SLC5A12: variants seen among roughly 807,000 people sequenced by gnomAD.
SLC5A12 encodes the protein solute carrier family 5 member 12.
Under a neutral mutation model 72.7 loss-of-function variants are expected in SLC5A12, and 46 were observed. That is an observed-to-expected ratio of 0.63 (90% CI 0.50 to 0.81). SLC5A12 has a LOEUF of 0.81. Among genes scored for constraint, SLC5A12 ranks in the 30% least tolerant of loss-of-function variants. The pLI, the probability that SLC5A12 is intolerant of heterozygous loss-of-function variation, is 0.00. For missense variants in SLC5A12, 683 were observed against 740.7 expected, an observed-to-expected ratio of 0.92 and a Z score of 0.90; for synonymous variants, 275 against 264.4, an observed-to-expected ratio of 1.04 and a Z score of -0.39.
At position 26,721,697 on chromosome 11, in the gene SLC5A12, A is replaced by T; in HGVS notation, c.18T>A (p.Phe6Leu). The change falls in exon 1 of 15, where the codon TTT becomes TTA. Residue 6 changes from phenylalanine to leucine, a missense_variant. Physicochemically the swap from Phe to Leu is conservative, Grantham distance 22. Coordinates refer to ENST00000396005, the MANE Select transcript of SLC5A12 (RefSeq NM_178498.4). ...CAAATACAACATAATCCCAAACTGC[A>T]AAGTTCTTCACCTCCATATTGGAAA... is the stretch of plus-strand genomic sequence containing the variant. MEVKNFAVWDYVVFAA... is the reference protein window; with the variant it reads MEVKNLAVWDYVVFAA... 1 of 1,613,550 alleles carries T rather than the reference A, an allele frequency of 6.2e-7. No individual in the cohort carries two copies. The highest frequency in any genetic ancestry group is 8.5e-7 in the Non-Finnish European group (1 of 1,179,802).
In SLC5A12 at chr11:26,721,831, G is replaced by GA. The variant is rs1353955124; in HGVS notation, c.-118dup. 7 of 868,650 alleles carry GA rather than the reference G, an allele frequency of 8.1e-6. No individual in the cohort carries two copies. In the African/African-American group the frequency reaches 1.2e-4, roughly 15 times the overall value. The allele number at this position is 868,650 out of a possible 1,614,324, so 53.8% of individuals were successfully genotyped here. On this transcript the variant is annotated 5_prime_UTR_variant, in exon 1 of 15. Coordinates refer to ENST00000396005, the MANE Select transcript of SLC5A12 (RefSeq NM_178498.4). ...CTGAGAGGAGAGACTGTGATTCCCT[G>GA]AAGAAAATGATTACCAGAGGCACTC...
intron 1 of SLC5A12, among the ~76,000 whole-genome samples, 199 bp from the exon 2 acceptor site, chr11:26,712,905 G>A (rs773278467): frequency 5.3e-5 from 8 of 152,022 alleles, no homozygotes; most frequent in Non-Finnish European, 1.2e-4. Flanking sequence ...ATTTCTGTTC[G>A]TGTTTCTCAT....
At chr11:26,697,301 G>C in intron 7 of SLC5A12, 49 bp from the exon 8 acceptor site, 2 of 1,515,750 alleles carry the variant, frequency 1.3e-6, no homozygotes. Flanking sequence ...AAGAAAGAAA[G>C]AAAAGAAAAG....
rs1258519568 is a variant in SLC5A12, at chr11:26,712,809, T to A, written c.340-103A>T. On this transcript the variant is annotated intron_variant, in intron 1 of 14. Transcript: ENST00000396005. ...TATCCTCTGTTGTGCTCTGGACTTG[T>A]AATCTGATTTTATGATATGTATCCT... 4.9e-6 allele frequency: 3 copies of A among 611,646 alleles called. No individual in the cohort carries two copies. In the East Asian group the frequency reaches 9.5e-5, roughly 19 times the overall value. The allele number at this position is 611,646 out of a possible 1,614,324, so 37.9% of individuals were successfully genotyped here. A position where few individuals can be genotyped will look rare whatever the true frequency, so the allele number is the denominator to read the frequency against.
Position 26,709,330 on chromosome 11 carries a change from G to A in SLC5A12, c.507C>T (p.Cys169=), listed in dbSNP as rs571026438. Residue 169 remains cysteine (C), a synonymous_variant, in exon 4 of 15, where the codon TGC becomes TGT. Transcript: ENST00000396005. The part of the protein sequence containing the change: ...WGSVFATGIV[C]TFYCTLGGLK... ...TACATACCAGGGTACAGTAGAATGT[G>A]CAAACAATTCCTGTTGCAAACACAG... The A allele has an allele frequency of 6.2e-7, 1 of 1,611,362 alleles. No individual in the cohort carries two copies. Among genetic ancestry groups the A allele is most frequent in the South Asian group, 1.1e-5 (1 of 90,816 alleles).
intron 12 of SLC5A12, 22 bp from the exon 13 acceptor site, chr11:26,678,837 A>T: frequency 6.5e-7 from 1 of 1,541,236 alleles, no homozygotes; most frequent in Non-Finnish European, 8.9e-7. Flanking sequence ...AGCACATGTC[A>T]CCAATTCCAT....
chr11:26,710,133 T>C (rs1279717152), intron 3 of SLC5A12, among the ~76,000 whole-genome samples: 1 of 152,096 alleles, frequency 6.6e-6, no homozygotes, highest in Non-Finnish European at 1.5e-5. Flanking sequence ...TTTTCTTTCC[T>C]TGTGATAGTT....
chr11:26,721,806 C>T lies in SLC5A12; in HGVS notation c.-92G>A. The T allele has an allele frequency of 9.1e-7, 1 of 1,097,662 alleles. No individual in the cohort carries two copies. Among genetic ancestry groups the T allele is most frequent in the South Asian group, 1.5e-5 (1 of 65,670 alleles). The allele number at this position is 1,097,662 out of a possible 1,614,324, so 68.0% of individuals were successfully genotyped here. ...AAAGTTCAGTACAGTGGATGCTTTG[C>T]TGAGAGGAGAGACTGTGATTCCCTG... On this transcript the variant is annotated 5_prime_UTR_variant, in exon 1 of 15. Transcript: ENST00000396005.
At chr11:26,691,253 G>C (rs1460457771) in intron 9 of SLC5A12, among the ~76,000 whole-genome samples, 3 of 151,734 alleles carry the variant, frequency 2.0e-5, no homozygotes, top group Non-Finnish European at 4.4e-5. Flanking sequence ...ACTAACTTGG[G>C]CAATTTAAAA....
intron 13 of SLC5A12, among the ~76,000 whole-genome samples, chr11:26,674,439 G>A (rs1449921686): frequency 2.6e-5 from 4 of 151,606 alleles, no homozygotes; most frequent in Non-Finnish European, 2.9e-5. Flanking sequence ...TCATGCTATT[G>A]CCCAGGCTGG....
At chr11:26,684,054 T>G (rs868123188) in intron 10 of SLC5A12, among the ~76,000 whole-genome samples, 3 of 139,844 alleles carry the variant, frequency 2.1e-5, no homozygotes, top group East Asian at 2.1e-4. Flanking sequence ...GTGTGTGTGT[T>G]TGTATAGTAG....
In SLC5A12 at chr11:26,675,300, T is replaced by C. The variant is rs1202822080; in HGVS notation, c.1580-1771A>G. Among the ~76,000 whole-genome samples the C allele has an allele frequency of 2.6e-5, 4 of 152,198 alleles. No individual in the cohort carries two copies. The East Asian group carries it at 7.7e-4, about 29-fold the overall frequency. On this transcript the variant is annotated intron_variant, in intron 13 of 14. Coordinates refer to ENST00000396005, the MANE Select transcript of SLC5A12 (RefSeq NM_178498.4). ...TGTTTTCTTCTAGAAAAAGACAGTA[T>C]TCCCTTTGGGAGATAGCAGATGGTA...
At chr11:26,717,479 A>G (rs1257397141) in intron 1 of SLC5A12, among the ~76,000 whole-genome samples, 1 of 152,224 alleles carries the variant, frequency 6.6e-6, no homozygotes, top group African/African-American at 2.4e-5. Context: ...GATAATGAAA[A>G]TATATGATAT....
At chr11:26,690,960 G>T (rs1184134718) in intron 9 of SLC5A12, among the ~76,000 whole-genome samples, 1 of 151,774 alleles carries the variant, frequency 6.6e-6, no homozygotes, top group East Asian at 1.9e-4. Flanking sequence ...AATAATAAAT[G>T]ATATATTTGA....
chr11:26,689,354 C>T (rs774725132), intron 9 of SLC5A12, among the ~76,000 whole-genome samples: 4 of 151,956 alleles, frequency 2.6e-5, no homozygotes, highest in Non-Finnish European at 5.9e-5. Context: ...GTCGAGATAT[C>T]GCACCACTGC....
At chr11:26,706,444 G>T (rs1466418987) in intron 4 of SLC5A12, among the ~76,000 whole-genome samples, 1 of 151,934 alleles carries the variant, frequency 6.6e-6, no homozygotes, top group Non-Finnish European at 1.5e-5. Context: ...TTAGAAGGTA[G>T]TTTATTTTAG....
intron 13 of SLC5A12, among the ~76,000 whole-genome samples, chr11:26,677,074 G>C (rs1854283459): frequency 6.6e-6 from 1 of 151,652 alleles, no homozygotes; most frequent in Admixed American, 6.6e-5. Flanking sequence ...CTCTTAGTGA[G>C]CAGACCTGAG....
rs151086896 is a variant in SLC5A12 at position 26,711,952 on chromosome 11, T to C, written c.406-594A>G. On this transcript the variant is annotated intron_variant, in intron 2 of 14. Coordinates refer to ENST00000396005, the MANE Select transcript of SLC5A12 (RefSeq NM_178498.4). ...CGGAATTTCACCATGTAGAGATTCA[T>C]GTTAGGGTTTTAAAAGGCAAATATC... Among the ~76,000 whole-genome samples, 28 of 152,222 alleles carry C rather than the reference T, an allele frequency of 1.8e-4. No individual in the cohort carries two copies. In the East Asian group the frequency reaches 5.2e-3, roughly 28 times the overall value.
At position 26,681,733 on chromosome 11, in the gene SLC5A12, G is replaced by A. The variant is rs186800689; in HGVS notation, c.1309-512C>T. On this transcript the variant is annotated intron_variant, in intron 11 of 14. Coordinates refer to ENST00000396005, the MANE Select transcript of SLC5A12 (RefSeq NM_178498.4). ...TGCATTTAATGGTCTTGTCATTTAA[G>A]GTTTATATTTCTTGATAAATAGTGA... Among the ~76,000 whole-genome samples the A allele has an allele frequency of 1.9e-3, 287 of 152,072 alleles. 3 individuals are homozygous for A. The highest frequency in any genetic ancestry group is 9.3e-4 in the Non-Finnish European group (63 of 67,994).
Sources: allele counts gnomAD v4.1 joint callset (sites outside exome capture counted in the v4.1 genomes callset), GRCh38; gene constraint gnomAD v4.1.1; transcripts MANE v1.5; gene names NCBI Gene and HGNC (gene_info 2026-07-23, HGNC 2026-07-21).